Variants in GRM3 observed in about 807,000 individuals in gnomAD.
GRM3 encodes glutamate metabotropic receptor 3, also known as metabotropic glutamate receptor 3.
In GRM3, 26 loss-of-function variants were observed where a neutral mutation model predicts 70.5. The ratio of observed to expected loss-of-function variants is 0.37; its 90% CI spans 0.27 to 0.51. The LOEUF (loss-of-function observed/expected upper bound fraction) is 0.51, where lower values mean the gene tolerates loss of function less well. GRM3 is among the 20% of genes least tolerant of loss of function. GRM3 has a pLI of 0.93. For synonymous variants in GRM3, 443 were observed against 434.9 expected, an observed-to-expected ratio of 1.02 and a Z score of -0.23; for missense variants, 859 against 1,123.8, an observed-to-expected ratio of 0.76 and a Z score of 3.37.
At position 86,838,998 on chromosome 7, in the gene GRM3, A is replaced by C. The variant is rs745602111; in HGVS notation, c.1484A>C (p.Asn495Thr). 3.1e-6 allele frequency: 5 copies of C among 1,614,042 alleles called. No individual in the cohort carries two copies. The South Asian group carries it at 4.4e-5, about 14-fold the overall frequency. The change falls in exon 4 of 6, where the codon AAC (asparagine) becomes ACC (threonine). Residue 495 changes from asparagine (N) to threonine (T), a missense_variant. Coordinates refer to ENST00000361669, the MANE Select transcript of GRM3 (RefSeq NM_000840.3). ...HWAETLSLDV[N>T]SIHWSRNSVP... ...GCAGAAACCTTATCGCTAGATGTCA[A>C]CTCTATCCACTGGTCCCGGAACTCA...
At chr7:86,838,794 A>G (rs974918264) in intron 3 of GRM3, 45 bp from the exon 4 acceptor site, 25 of 1,082,642 alleles carry the variant, frequency 2.3e-5, no homozygotes, top group African/African-American at 3.1e-5. Context: ...CACGTAAGAC[A>G]CCTAAACAAG....
intron 1 of GRM3, among the ~76,000 whole-genome samples, chr7:86,691,896 T>C (rs564764014): frequency 6.6e-6 from 1 of 152,324 alleles, no homozygotes; most frequent in Admixed American, 6.5e-5. Context: ...TATTCTGTTA[T>C]GGCAGCACAA....
At chr7:86,861,105 C>T (rs1413040165) in intron 5 of GRM3, among the ~76,000 whole-genome samples, 1 of 152,204 alleles carries the variant, frequency 6.6e-6, no homozygotes, top group African/African-American at 2.4e-5. Flanking sequence ...AATGGGAGCT[C>T]ACAACCTGAG....
At chr7:86,714,493 C>A (rs1182749398) in intron 1 of GRM3, among the ~76,000 whole-genome samples, 1 of 151,776 alleles carries the variant, frequency 6.6e-6, no homozygotes. Flanking sequence ...GGTAACTTGC[C>A]CAAGTCACCC....
At chr7:86,694,437 G>A (rs1363570839) in intron 1 of GRM3, among the ~76,000 whole-genome samples, 2 of 148,724 alleles carry the variant, frequency 1.3e-5, no homozygotes, top group South Asian at 2.2e-4. Flanking sequence ...GTGTGAACCC[G>A]GGAAGTGGGG....
intron 1 of GRM3, among the ~76,000 whole-genome samples, chr7:86,722,436 G>A (rs1156971150): frequency 1.3e-5 from 2 of 152,102 alleles, no homozygotes; most frequent in Non-Finnish European, 2.9e-5. Context: ...AAAAGGATGA[G>A]TTAATATCCT....
chr7:86,672,541 T>C (rs1028063295), intron 1 of GRM3, among the ~76,000 whole-genome samples: 1 of 152,160 alleles, frequency 6.6e-6, no homozygotes, highest in African/African-American at 2.4e-5. Flanking sequence ...GCAGTGCCTT[T>C]CCTCCAGATA....
chr7:86,647,810 T>C (rs1202479054), intron 1 of GRM3, among the ~76,000 whole-genome samples: 1 of 152,212 alleles, frequency 6.6e-6, no homozygotes, highest in Non-Finnish European at 1.5e-5. Context: ...CTACTTCTAA[T>C]GTAGGCTTGG....
At chr7:86,825,369 G>T (rs1207412678) in intron 3 of GRM3, among the ~76,000 whole-genome samples, 1 of 152,188 alleles carries the variant, frequency 6.6e-6, no homozygotes, top group African/African-American at 2.4e-5. Flanking sequence ...ATTTCTTAAC[G>T]ACGTGTGGAT....
intron 2 of GRM3, among the ~76,000 whole-genome samples, chr7:86,782,802 T>C (rs1797109119): frequency 6.6e-6 from 1 of 152,192 alleles, no homozygotes; most frequent in Admixed American, 6.5e-5. Context: ...GTATGAATTA[T>C]TTTTATAGTC....
At chr7:86,772,734 C>A (rs1305191263) in intron 2 of GRM3, among the ~76,000 whole-genome samples, 2 of 152,076 alleles carry the variant, frequency 1.3e-5, no homozygotes, top group East Asian at 3.9e-4. Flanking sequence ...TCAAGAAAAG[C>A]AGAGTGACAG....
At chr7:86,835,922 T>C (rs1798448239) in intron 3 of GRM3, among the ~76,000 whole-genome samples, 1 of 152,140 alleles carries the variant, frequency 6.6e-6, no homozygotes, top group Admixed American at 6.6e-5. Context: ...TACATATTAA[T>C]TTTTAAAAAC....
chr7:86,679,338 C>G (rs1794387496), intron 1 of GRM3, among the ~76,000 whole-genome samples: 1 of 152,012 alleles, frequency 6.6e-6, no homozygotes, highest in Non-Finnish European at 1.5e-5. Context: ...AAGAACTACA[C>G]TTTTAAAAGG....
intron 5 of GRM3, among the ~76,000 whole-genome samples, chr7:86,855,108 T>C (rs1462651698): frequency 6.6e-6 from 1 of 152,214 alleles, no homozygotes; most frequent in Non-Finnish European, 1.5e-5. Flanking sequence ...ATCCTTTGTA[T>C]ATGGATGAAA....
intron 1 of GRM3, among the ~76,000 whole-genome samples, chr7:86,700,925 T>C (rs986664794): frequency 6.6e-6 from 1 of 151,964 alleles, no homozygotes; most frequent in Non-Finnish European, 1.5e-5. Context: ...AAACGTATCA[T>C]TTCAAACAGA....
intron 3 of GRM3, among the ~76,000 whole-genome samples, chr7:86,805,262 A>G (rs1797766041): frequency 6.6e-6 from 1 of 151,802 alleles, no homozygotes; most frequent in South Asian, 2.1e-4. Flanking sequence ...CCTTTTTTTT[A>G]TTTTTTAAAA....
chr7:86,769,004 A>T (rs1268397042), intron 2 of GRM3, among the ~76,000 whole-genome samples: 1 of 152,100 alleles, frequency 6.6e-6, no homozygotes, highest in African/African-American at 2.4e-5. Context: ...AAGAATTCTA[A>T]AAAATATAGT....
At chr7:86,782,179 T>C (rs1797085035) in intron 2 of GRM3, among the ~76,000 whole-genome samples, 1 of 151,408 alleles carries the variant, frequency 6.6e-6, no homozygotes, top group Admixed American at 6.6e-5. Flanking sequence ...TTGTCCTTCC[T>C]CCTTCCCTTT....
chr7:86,681,233 A>T (rs553289601), intron 1 of GRM3, among the ~76,000 whole-genome samples: 11 of 152,152 alleles, frequency 7.2e-5, no homozygotes, highest in Non-Finnish European at 1.5e-4. Flanking sequence ...GCTGTAACAA[A>T]ACTGATACAG....
Sources: gnomAD v4.1 joint callset for allele counts (sites outside exome capture counted in the v4.1 genomes callset) on GRCh38, gnomAD v4.1.1 for gene constraint, MANE v1.5 for transcripts, NCBI Gene and HGNC (gene_info 2026-07-23, HGNC 2026-07-21) for gene names.